The following UBR1 variants were observed in gnomAD, a reference collection of about 807,000 sequenced individuals.
UBR1 encodes E3 ubiquitin-protein ligase UBR1.
In UBR1, 102 loss-of-function variants were observed where a neutral mutation model predicts 242.1. The observed-to-expected ratio is 0.42, with a 90% CI of 0.36 to 0.50. The LOEUF (loss-of-function observed/expected upper bound fraction) is 0.50, where lower values mean the gene tolerates loss of function less well. Among genes scored for constraint, UBR1 ranks in the 20% least tolerant of loss-of-function variants. The pLI is 0.01. For synonymous variants in UBR1, 675 were observed against 684.8 expected (o/e 0.99, Z 0.22); for missense variants, 1,772 against 2,101.8 (o/e 0.84, Z 3.07).
At chr15:42,963,188 A>C (rs2141257024) in intron 42 of UBR1, among the ~76,000 whole-genome samples, 2 of 152,330 alleles carry the variant, frequency 1.3e-5, no homozygotes, top group South Asian at 4.1e-4. Flanking sequence ...AGCAAAGAAA[A>C]GAACCCAACA....
chr15:43,051,916 T>C (rs1287868794), intron 12 of UBR1, among the ~76,000 whole-genome samples: 2 of 152,160 alleles, frequency 1.3e-5, no homozygotes, highest in African/African-American at 2.4e-5. Context: ...AGGAATAGGT[T>C]AGAGTAATAA....
chr15:42,949,164 T>C (rs569610683), intron 46 of UBR1, among the ~76,000 whole-genome samples: 1 of 151,122 alleles, frequency 6.6e-6, no homozygotes, highest in Admixed American at 6.6e-5. Context: ...TCATTCTCAG[T>C]AAACTATTGC....
chr15:42,968,279 T>C (rs1370293348), intron 40 of UBR1, among the ~76,000 whole-genome samples: 2 of 152,190 alleles, frequency 1.3e-5, no homozygotes, highest in Non-Finnish European at 2.9e-5. Flanking sequence ...GTAGCTGTTA[T>C]TCCAACCTAC....
At chr15:43,095,522 G>T (rs1361330711) in intron 1 of UBR1, among the ~76,000 whole-genome samples, 3 of 138,934 alleles carry the variant, frequency 2.2e-5, no homozygotes. Flanking sequence ...ACTCAGATTA[G>T]AATTAGAGTG....
intron 32 of UBR1, among the ~76,000 whole-genome samples, chr15:43,001,322 G>A (rs2032721472): frequency 6.6e-6 from 1 of 151,264 alleles, no homozygotes; most frequent in Non-Finnish European, 1.5e-5. Flanking sequence ...TAATTTTTTT[G>A]TATTTTTAGT....
At chr15:42,974,762 C>A (rs1008042419) in intron 39 of UBR1, among the ~76,000 whole-genome samples, 1 of 152,076 alleles carries the variant, frequency 6.6e-6, no homozygotes, top group Non-Finnish European at 1.5e-5. Context: ...GCATGTGCCA[C>A]CATGCCCAGC....
rs2033196567 is a variant in UBR1 at position 43,027,768 on chromosome 15, G to A, written c.2432+8C>T. On this transcript the variant is annotated splice_region_variant and intron_variant, in intron 22 of 46. Coordinates refer to ENST00000290650, the MANE Select transcript of UBR1 (RefSeq NM_174916.3). ...CTTTTAGAATAAGCATAAATATTAA[G>A]CACTTACTTAAATGTGGCCACTTTG... The A allele has an allele frequency of 8.7e-6, 14 of 1,609,126 alleles. No homozygotes were observed. Among genetic ancestry groups the A allele is most frequent in the Middle Eastern group, 1.7e-4 (1 of 6,054 alleles).
At chr15:42,992,736 C>T (rs1002558862) in intron 33 of UBR1, among the ~76,000 whole-genome samples, 2 of 152,212 alleles carry the variant, frequency 1.3e-5, no homozygotes, top group African/African-American at 4.8e-5. Context: ...CCAGTCCTCC[C>T]ACTTTCTAGC....
At chr15:42,964,470 A>G (rs1008575602) in intron 41 of UBR1, among the ~76,000 whole-genome samples, 6 of 151,158 alleles carry the variant, frequency 4.0e-5, no homozygotes, top group African/African-American at 1.5e-4. Context: ...ACTCCGTCTC[A>G]AAAAAAAACA....
intron 43 of UBR1, among the ~76,000 whole-genome samples, chr15:42,959,880 C>T (rs1356251090): frequency 1.3e-5 from 2 of 152,160 alleles, no homozygotes; most frequent in Non-Finnish European, 2.9e-5. Flanking sequence ...CAAATGTGCA[C>T]TGTCTTGAAG....
At chr15:42,986,233 C>T (rs755561708) in intron 35 of UBR1, among the ~76,000 whole-genome samples, 1 of 152,088 alleles carries the variant, frequency 6.6e-6, no homozygotes, top group Non-Finnish European at 1.5e-5. Flanking sequence ...CATATCTCTC[C>T]ATCTCCACAG....
intron 46 of UBR1, among the ~76,000 whole-genome samples, chr15:42,949,117 A>G (rs1341716007): frequency 6.6e-6 from 1 of 152,038 alleles, no homozygotes; most frequent in African/African-American, 2.4e-5. Flanking sequence ...GGATGAGTTC[A>G]TGTCCTTTGT....
rs1477740286 is a variant in UBR1, at chr15:43,054,878, G to A, written c.1303C>T (p.Gln435Ter). 1 of 1,614,074 alleles carries A rather than the reference G, an allele frequency of 6.2e-7. No homozygotes were observed. Among genetic ancestry groups the A allele is most frequent in the Admixed American group, 1.7e-5 (1 of 60,020 alleles). Residue 435 changes from glutamine (Q) to a stop codon, truncating the protein, a stop_gained, in exon 12 of 47, where the codon CAG becomes TAG. Coordinates refer to ENST00000290650, the MANE Select transcript of UBR1 (RefSeq NM_174916.3). LOFTEE classifies it high-confidence loss of function. The part of the protein sequence containing the change: ...PTLARHLIEE[Q>*]NVISVITETL... ...TCAGTAATGACAGAGATAACATTCT[G>A]CTCTTCAATAAGATGTCGAGCCTGC...
chr15:42,960,815 C>T, intron 42 of UBR1, 114 bp from the exon 43 acceptor site: 1 of 1,119,882 alleles, frequency 8.9e-7, no homozygotes, highest in Non-Finnish European at 1.3e-6. Context: ...TTCGCCCAGG[C>T]TGGAGTACAG....
chr15:43,059,587 C>T, intron 8 of UBR1, 115 bp downstream of exon 8: 1 of 1,008,822 alleles, frequency 9.9e-7, no homozygotes, highest in South Asian at 1.6e-5. Context: ...AGTGTATAAA[C>T]CAAAAAAAAA....
intron 44 of UBR1, among the ~76,000 whole-genome samples, chr15:42,957,402 G>C (rs1014283506): frequency 3.9e-5 from 6 of 152,110 alleles, no homozygotes; most frequent in Non-Finnish European, 8.8e-5. Context: ...GTGAGTACAA[G>C]GTGACGAAAA....
At chr15:43,021,474 A>G in intron 26 of UBR1, 99 bp from the exon 27 acceptor site, 1 of 1,008,870 alleles carries the variant, frequency 9.9e-7, no homozygotes, top group South Asian at 1.3e-5. Context: ...ATCAAAGTCC[A>G]CTAATGCTCA....
At chr15:42,962,648 C>T (rs1336326962) in intron 42 of UBR1, among the ~76,000 whole-genome samples, 1 of 152,096 alleles carries the variant, frequency 6.6e-6, no homozygotes, top group East Asian at 1.9e-4. Flanking sequence ...TGCCACCACG[C>T]CTGGCTAATT....
At chr15:43,045,571 T>C (rs1202138346) in intron 14 of UBR1, among the ~76,000 whole-genome samples, 1 of 152,054 alleles carries the variant, frequency 6.6e-6, no homozygotes, top group Non-Finnish European at 1.5e-5. Context: ...AGGAGAGTCA[T>C]CCCTATGAAC....
Sources: gnomAD v4.1 joint callset for allele counts (sites outside exome capture counted in the v4.1 genomes callset) on GRCh38, gnomAD v4.1.1 for gene constraint, MANE v1.5 for transcripts, NCBI Gene and HGNC (gene_info 2026-07-23, HGNC 2026-07-21) for gene names.